DOCK9: variants seen among roughly 807,000 people sequenced by gnomAD.
DOCK9 encodes the protein dedicator of cytokinesis protein 9.
In DOCK9, 89 loss-of-function variants were observed where a neutral mutation model predicts 263.3. That is an observed-to-expected ratio of 0.34 (90% CI 0.28 to 0.40). The LOEUF is 0.40. Ranked by LOEUF, DOCK9 falls within the 10% of genes least tolerant of loss-of-function variation. The probability of loss-of-function intolerance (pLI) is 1.00; values close to 1 mark genes in which losing one functional copy is unlikely to be tolerated. For synonymous variants in DOCK9, 976 were observed against 973.1 expected (o/e 1.00, Z -0.06); for missense variants, 2,140 against 2,603.4 (o/e 0.82, Z 3.87).
intron 44 of DOCK9, among the ~76,000 whole-genome samples, chr13:98,826,373 C>T (rs1392566804): frequency 6.6e-6 from 1 of 152,196 alleles, no homozygotes; most frequent in Non-Finnish European, 1.5e-5. Flanking sequence ...ACTCCTCGCC[C>T]CCTCTCCTTC....
chr13:98,817,451 C>CTTTTTTTTTTTTTTTTTTTTTT (rs10683281), intron 45 of DOCK9, among the ~76,000 whole-genome samples: 1 of 97,614 alleles, frequency 1.0e-5, no homozygotes, highest in Non-Finnish European at 1.8e-5. Context: ...ATACACCCAG[C>CTTTTTTTTTTTTTTTTTTTTTT]TTTTTTTTTT....
At chr13:98,867,884 G>A in intron 29 of DOCK9, 44 bp downstream of exon 29, 1 of 1,523,264 alleles carries the variant, frequency 6.6e-7, no homozygotes, top group Non-Finnish European at 9.0e-7. Flanking sequence ...ACCAGAGAAA[G>A]GCTACATGGT....
chr13:98,849,857 G>T (rs1373122199), intron 36 of DOCK9, among the ~76,000 whole-genome samples, 190 bp downstream of exon 36: 1 of 151,866 alleles, frequency 6.6e-6, no homozygotes, highest in African/African-American at 2.4e-5. Context: ...ATACTTTAAG[G>T]GTGACCACTG....
intron 1 of DOCK9, among the ~76,000 whole-genome samples, chr13:99,029,604 A>G (rs1476955399): frequency 1.3e-5 from 2 of 152,220 alleles, no homozygotes; most frequent in Non-Finnish European, 2.9e-5. Context: ...GTCTTTAGGA[A>G]AATGCAAATT....
intron 1 of DOCK9, among the ~76,000 whole-genome samples, chr13:99,006,739 A>G (rs1883403139): frequency 6.6e-6 from 1 of 152,164 alleles, no homozygotes; most frequent in Non-Finnish European, 1.5e-5. Flanking sequence ...GTGGTCTCTA[A>G]ATTTTCTACA....
At chr13:99,075,232 CTG>C (rs1445204809) in intron 1 of DOCK9, among the ~76,000 whole-genome samples, 135 of 152,050 alleles carry the variant, frequency 8.9e-4, no homozygotes, top group Non-Finnish European at 2.6e-4. Context: ...TGCAGTTCAT[CTG>C]TGAGTTTTTT....
chr13:98,875,800 G>A (rs2043734343), intron 27 of DOCK9, among the ~76,000 whole-genome samples: 1 of 152,160 alleles, frequency 6.6e-6, no homozygotes, highest in South Asian at 2.1e-4. Flanking sequence ...ATACTTTGCA[G>A]GTCCATCCGC....
intron 1 of DOCK9, among the ~76,000 whole-genome samples, chr13:99,003,461 G>C (rs1882759431): frequency 6.6e-6 from 1 of 151,856 alleles, no homozygotes; most frequent in Non-Finnish European, 1.5e-5. Flanking sequence ...GTCTGTGCTG[G>C]GATCCACACT....
chr13:98,951,958 C>T (rs367569252), intron 2 of DOCK9, among the ~76,000 whole-genome samples: 11 of 147,110 alleles, frequency 7.5e-5, no homozygotes, highest in East Asian at 4.0e-4. Context: ...AGTGCAATGG[C>T]GCGATCTTGG....
chr13:98,876,669 C>T (rs1379521479), intron 27 of DOCK9, among the ~76,000 whole-genome samples: 1 of 152,124 alleles, frequency 6.6e-6, no homozygotes, highest in Non-Finnish European at 1.5e-5. Context: ...ACAAAAACAA[C>T]TAATTCAAAC....
At chr13:98,820,056 CTG>C (rs2092165837) in intron 45 of DOCK9, among the ~76,000 whole-genome samples, 2 of 152,348 alleles carry the variant, frequency 1.3e-5, no homozygotes, top group Non-Finnish European at 2.9e-5. Flanking sequence ...TATAAAGTCA[CTG>C]TGAATTAGTG....
intron 2 of DOCK9, among the ~76,000 whole-genome samples, chr13:98,946,197 G>A (rs1394491299): frequency 1.3e-5 from 2 of 152,194 alleles, no homozygotes; most frequent in Non-Finnish European, 2.9e-5. Context: ...ACACAGGAAT[G>A]ATATCCTCTG....
At chr13:98,974,192 G>A (rs2060000630) in intron 1 of DOCK9, among the ~76,000 whole-genome samples, 1 of 152,076 alleles carries the variant, frequency 6.6e-6, no homozygotes, top group South Asian at 2.1e-4. Context: ...GGTAAAAATA[G>A]GTATTCAAAT....
Position 98,902,266 on chromosome 13 carries a change from A to C in DOCK9, c.1380+22T>G, listed in dbSNP as rs779845698. 3.4e-5 allele frequency: 55 copies of C among 1,610,784 alleles called. 1 individual carries two copies. Among genetic ancestry groups the C allele is most frequent in the Non-Finnish European group, 4.5e-5 (53 of 1,178,634 alleles). ...TGCAAAGTGAGTCTGAGTAGTGGGA[A>C]TGCTGGGCTCATACTCCCCACCTGC... On this transcript the variant is annotated intron_variant, in intron 12 of 52. Transcript: ENST00000682017.
At chr13:99,007,344 C>T (rs1339848778) in intron 1 of DOCK9, among the ~76,000 whole-genome samples, 3 of 151,992 alleles carry the variant, frequency 2.0e-5, no homozygotes, top group East Asian at 3.9e-4. Context: ...GTTAAGATTG[C>T]ACCACTGCAC....
chr13:98,948,841 C>A (rs1430703793), intron 2 of DOCK9, among the ~76,000 whole-genome samples: 3 of 144,614 alleles, frequency 2.1e-5, no homozygotes, highest in Admixed American at 6.9e-5. Flanking sequence ...CTGAGCATAA[C>A]CTCCTCAGGG....
At chr13:98,912,134 A>C (rs2139800742) in intron 9 of DOCK9, among the ~76,000 whole-genome samples, 1 of 152,248 alleles carries the variant, frequency 6.6e-6, no homozygotes, top group East Asian at 1.9e-4. Context: ...AGCCTCCCAA[A>C]GTGCTGGGAT....
intron 15 of DOCK9, among the ~76,000 whole-genome samples, chr13:98,893,982 C>T (rs1454420045): frequency 6.6e-6 from 1 of 152,174 alleles, no homozygotes; most frequent in Non-Finnish European, 1.5e-5. Context: ...TGCCCTCCTG[C>T]TGAGCACATG....
chr13:98,981,272 G>T (rs968148655), upstream of DOCK9, among the ~76,000 whole-genome samples: 62 of 152,070 alleles, frequency 4.1e-4, no homozygotes, highest in African/African-American at 1.3e-3. Flanking sequence ...GCCCAAGCTG[G>T]TCTCAAACTC....
Sources: gnomAD v4.1 joint callset for allele counts (sites outside exome capture counted in the v4.1 genomes callset) on GRCh38, gnomAD v4.1.1 for gene constraint, MANE v1.5 for transcripts, NCBI Gene and HGNC (gene_info 2026-07-23, HGNC 2026-07-21) for gene names.